TXNL4A: variants seen among roughly 807,000 people sequenced by gnomAD.
TXNL4A encodes thioredoxin like 4A.
TXNL4A carries 17 observed loss-of-function variants against 14.6 expected under a neutral mutation model. That is an observed-to-expected ratio of 1.16 (90% CI 0.80 to 1.74). The LOEUF is 1.74. TXNL4A is among the 40% of genes most tolerant of loss of function. The probability of loss-of-function intolerance (pLI) is 0.00; values close to 1 mark genes in which losing one functional copy is unlikely to be tolerated. For missense variants in TXNL4A, 74 were observed against 195.2 expected (o/e 0.38, Z 3.70); for synonymous variants, 83 against 70.6 (o/e 1.18, Z -0.88).
At chr18:80,022,114 C>T (rs369760480) in intron 1 of TXNL4A, among the ~76,000 whole-genome samples, 15 of 152,042 alleles carry the variant, frequency 9.9e-5, no homozygotes, top group East Asian at 5.8e-4. Flanking sequence ...GAGAACCTGC[C>T]CAGGTCCCCC....
chr18:79,990,459 G>A (rs1222546962), upstream of TXNL4A, among the ~76,000 whole-genome samples: 1 of 152,128 alleles, frequency 6.6e-6, no homozygotes, highest in African/African-American at 2.4e-5. Context: ...CCATGAGATG[G>A]GATGATAAAA....
chr18:79,998,265 A>G (rs940568238), intron 1 of TXNL4A, among the ~76,000 whole-genome samples: 41 of 151,696 alleles, frequency 2.7e-4, no homozygotes, highest in Non-Finnish European at 5.9e-4. Context: ...TGCACTCCAG[A>G]CTGAACGACA....
chr18:80,011,248 G>T lies in TXNL4A; in HGVS notation c.-61+22603C>A, dbSNP rs1021775199. Among the ~76,000 whole-genome samples the T allele has an allele frequency of 2.6e-5, 4 of 152,148 alleles. No individual in the cohort carries two copies. The highest frequency in any genetic ancestry group is 2.0e-4 in the Admixed American group (3 of 15,256). On this transcript the variant is annotated intron_variant, in intron 1 of 2. Coordinates refer to the TXNL4A transcript ENST00000585474. The surrounding 1 kb of genome is among the most constrained non-coding windows in gnomAD (Gnocchi z 4.1). ...ACCAAGACTCGAATTTATTAAAAAG[G>T]GATTGTAGCCAACTGGGACGGGAGT... is the stretch of plus-strand genomic sequence containing the variant.
chr18:79,993,225 G>A (rs2051639385), upstream of TXNL4A, among the ~76,000 whole-genome samples: 1 of 152,112 alleles, frequency 6.6e-6, no homozygotes, highest in South Asian at 2.1e-4. This position sits in a 1 kb window ranked among gnomAD's most constrained non-coding sequence, Gnocchi z 4.4. Context: ...GCCTAAACTG[G>A]TAGGACAATT....
At chr18:80,018,740 A>G (rs1380814112) in intron 1 of TXNL4A, among the ~76,000 whole-genome samples, 2 of 152,228 alleles carry the variant, frequency 1.3e-5, no homozygotes, top group Admixed American at 1.3e-4. Flanking sequence ...TCTAGAAGAA[A>G]TGGATAAATT....
upstream of TXNL4A, chr18:79,988,695 A>G (rs898051911): frequency 6.2e-5 from 14 of 227,026 alleles, no homozygotes; most frequent in African/African-American, 3.2e-4. Context: ...CGACCTGGGC[A>G]CCGTGGAGCG....
intron 1 of TXNL4A, among the ~76,000 whole-genome samples, chr18:79,986,359 A>G (rs1259403008): frequency 2.0e-5 from 3 of 152,176 alleles, no homozygotes; most frequent in African/African-American, 7.2e-5. Flanking sequence ...TAATAACTAT[A>G]TTATAATATT....
intron 1 of TXNL4A, among the ~76,000 whole-genome samples, chr18:80,027,817 T>A (rs1260557625): frequency 1.1e-4 from 17 of 151,556 alleles, no homozygotes; most frequent in South Asian, 2.1e-4. Context: ...AGGCATATTA[T>A]CTCAGTCAAA....
intron 2 of TXNL4A, chr18:79,977,372 G>C: frequency 1.9e-6 from 1 of 533,544 alleles, no homozygotes. Flanking sequence ...TCCCCGCAAA[G>C]TTATTTCAAA....
Position 80,004,734 on chromosome 18 carries a change from C to T in TXNL4A, c.-60-27033G>A, listed in dbSNP as rs191808708. 3.3e-5 allele frequency among the ~76,000 whole-genome samples: 5 copies of T among 152,300 alleles called. No homozygotes were observed. In the South Asian group the frequency reaches 8.3e-4, roughly 25 times the overall value. On this transcript the variant is annotated intron_variant, in intron 1 of 2. Transcript: ENST00000585474. ...GCTCTGAGAACTCATGAGAAAATCACCAGAGAAAACAAGCCTTGAGCAGAG... is the reference window on the plus strand; with the variant it reads ...GCTCTGAGAACTCATGAGAAAATCATCAGAGAAAACAAGCCTTGAGCAGAG...
At chr18:79,999,435 T>C (rs910169560) in intron 1 of TXNL4A, among the ~76,000 whole-genome samples, 21 of 150,184 alleles carry the variant, frequency 1.4e-4, no homozygotes, top group Non-Finnish European at 8.9e-5. Flanking sequence ...ACTTGGGAGG[T>C]TGAAGCAGGA....
chr18:80,013,271 C>T (rs925262123), intron 1 of TXNL4A, among the ~76,000 whole-genome samples: 186 of 151,384 alleles, frequency 1.2e-3, no homozygotes, highest in African/African-American at 4.3e-3. Context: ...TATAGGTGCC[C>T]GCCACCATGC....
upstream of TXNL4A, among the ~76,000 whole-genome samples, chr18:79,989,629 G>A (rs1057047018): frequency 6.6e-6 from 1 of 152,214 alleles, no homozygotes; most frequent in Admixed American, 6.5e-5. Context: ...TCCCTGGTTT[G>A]CAAACTGATA....
At chr18:79,980,139 G>A (rs2145066015) in intron 1 of TXNL4A, among the ~76,000 whole-genome samples, 1 of 152,310 alleles carries the variant, frequency 6.6e-6, no homozygotes, top group East Asian at 1.9e-4. Flanking sequence ...GAGGACTGCA[G>A]AGGCGTCTAC....
chr18:79,975,626 G>A (rs931287432), intron 2 of TXNL4A, among the ~76,000 whole-genome samples: 10 of 152,294 alleles, frequency 6.6e-5, no homozygotes, highest in African/African-American at 2.2e-4. Flanking sequence ...CGAACAGGCT[G>A]TTAACAGAAA....
intron 1 of TXNL4A, among the ~76,000 whole-genome samples, chr18:80,014,239 AG>A (rs1222428685): frequency 1.3e-5 from 2 of 152,164 alleles, no homozygotes; most frequent in Non-Finnish European, 2.9e-5. Flanking sequence ...AGTCCCCCAA[AG>A]TCTTAACTCA....
At chr18:80,004,267 G>A (rs1355824495) in intron 1 of TXNL4A, among the ~76,000 whole-genome samples, 10 of 152,184 alleles carry the variant, frequency 6.6e-5, no homozygotes, top group African/African-American at 2.2e-4. Flanking sequence ...TGATGTGCCT[G>A]CCCTGAGGGC....
intron 1 of TXNL4A, chr18:79,979,402 G>A (rs997979824): frequency 1.3e-5 from 2 of 152,222 alleles, no homozygotes; most frequent in African/African-American, 2.4e-5. Context: ...AGCGTTGCAG[G>A]TGAGGCCTGG....
chr18:79,985,212 T>C (rs1168386852), intron 1 of TXNL4A, among the ~76,000 whole-genome samples: 2 of 152,194 alleles, frequency 1.3e-5, no homozygotes, highest in African/African-American at 2.4e-5. Context: ...AGCTCGTACA[T>C]GAAATTGTCT....
Sources: gnomAD v4.1 joint callset for allele counts (sites outside exome capture counted in the v4.1 genomes callset) on GRCh38, gnomAD v4.1.1 for gene constraint, Gnocchi (gnomAD v3.1) non-coding constraint, MANE v1.5 for transcripts, NCBI Gene and HGNC (gene_info 2026-07-23, HGNC 2026-07-21) for gene names.